LAMA2: variants seen among roughly 807,000 people sequenced by gnomAD.
LAMA2 encodes laminin subunit alpha-2.
Under a neutral mutation model 364.8 loss-of-function variants are expected in LAMA2, and 269 were observed. The observed-to-expected ratio is 0.74, with a 90% CI of 0.67 to 0.82. The LOEUF is 0.82. LAMA2 is among the 40% of genes least tolerant of loss of function. The pLI is 0.00. For missense variants in LAMA2, 3,807 were observed against 3,873.2 expected (o/e 0.98, Z 0.45); for synonymous variants, 1,379 against 1,370.6 (o/e 1.01, Z -0.14).
At position 129,402,394 on chromosome 6, in the gene LAMA2, C is replaced by T. The variant is rs139586720; in HGVS notation, c.5633C>T (p.Ser1878Phe). ...EELNDKIDDL[S>F]QEIKDRKLAE... is the part of the protein sequence containing the mutation. Reference sequence around the variant, plus strand: ...CTTAATGATAAAATAGATGACCTCTCCCAAGAAATAAAGGACAGGAAGCTT... The same window carrying T: ...CTTAATGATAAAATAGATGACCTCTTCCAAGAAATAAAGGACAGGAAGCTT... Residue 1878 changes from serine (S) to phenylalanine (F), a missense_variant, in exon 39 of 65, where the codon TCC becomes TTC. By Grantham distance (155) the Ser-to-Phe change is radical. This residue lies in a region of LAMA2 where 3,333 missense variants were observed against 3,345.7 expected (regional missense o/e 1.00). Transcript: ENST00000421865. 4.4e-4 allele frequency: 716 copies of T among 1,613,984 alleles called. 3 individuals are homozygous for T. The African/African-American group carries it at 8.6e-3, about 19-fold the overall frequency.
At chr6:129,237,552 T>C (rs1447705130) in intron 12 of LAMA2, among the ~76,000 whole-genome samples, 1 of 151,928 alleles carries the variant, frequency 6.6e-6, no homozygotes, top group Admixed American at 6.6e-5. Context: ...GCCAGGCTGG[T>C]CTTGAACTCC....
At chr6:129,107,652 C>T (rs1176044345) in intron 4 of LAMA2, among the ~76,000 whole-genome samples, 1 of 152,096 alleles carries the variant, frequency 6.6e-6, no homozygotes, top group African/African-American at 2.4e-5. Context: ...ATTTGTTGCA[C>T]ATTTATTTTA....
chr6:129,172,764 C>A (rs561731645), intron 9 of LAMA2, among the ~76,000 whole-genome samples: 1 of 152,224 alleles, frequency 6.6e-6, no homozygotes, highest in Admixed American at 6.5e-5. Flanking sequence ...GGCGCCCCTC[C>A]CCCAGCCTCG....
In LAMA2 at chr6:129,473,219, A is replaced by G. The variant is rs1297267527; in HGVS notation, c.7306A>G (p.Ile2436Val). Residue 2436 changes from isoleucine (I) to valine (V), a missense_variant, in exon 52 of 65, where the codon ATA becomes GTA. By Grantham distance (29) the Ile-to-Val change is conservative. This residue lies in a region of LAMA2 where 3,333 missense variants were observed against 3,345.7 expected (regional missense o/e 1.00). Transcript: ENST00000421865. ...ACTTTCTTTCTCCTTTACAGCCAAT[A>G]TATCAATTGTAGATATAGATACTAA... ...TLSRIQKQANISIVDIDTNQE... is the reference protein window; with the variant it reads ...TLSRIQKQANVSIVDIDTNQE... 1.3e-6 allele frequency: 2 copies of G among 1,591,394 alleles called. No homozygotes were observed. Among genetic ancestry groups the G allele is most frequent in the Non-Finnish European group, 1.7e-6 (2 of 1,160,294 alleles).
intron 37 of LAMA2, among the ~76,000 whole-genome samples, chr6:129,396,941 ACTC>A (rs1408060316): frequency 6.9e-6 from 1 of 145,630 alleles, no homozygotes; most frequent in Non-Finnish European, 1.5e-5. Context: ...ATGCCACAGC[ACTC>A]CAGCCTGGAT....
At chr6:129,322,475 G>C (rs1775026321) in intron 28 of LAMA2, among the ~76,000 whole-genome samples, 1 of 152,130 alleles carries the variant, frequency 6.6e-6, no homozygotes, top group South Asian at 2.1e-4. Context: ...CTTTATCCCA[G>C]GTAGCGTTTG....
intron 45 of LAMA2, among the ~76,000 whole-genome samples, chr6:129,446,879 GA>G (rs1015523486): frequency 6.6e-6 from 1 of 151,550 alleles, no homozygotes; most frequent in African/African-American, 2.4e-5. Flanking sequence ...ACGACTGACT[GA>G]AAAAAAACCT....
chr6:129,245,330 T>G (rs1416424153), intron 12 of LAMA2, among the ~76,000 whole-genome samples: 1 of 152,170 alleles, frequency 6.6e-6, no homozygotes, highest in Non-Finnish European at 1.5e-5. Context: ...TTGCACTTAC[T>G]CCTACCTGTG....
At chr6:128,927,164 C>T (rs1267398878) in intron 1 of LAMA2, among the ~76,000 whole-genome samples, 1 of 152,116 alleles carries the variant, frequency 6.6e-6, no homozygotes, top group East Asian at 1.9e-4. Flanking sequence ...ATTTCCTGGT[C>T]AACACACCAC....
At chr6:128,937,005 G>A (rs1484139763) in intron 1 of LAMA2, among the ~76,000 whole-genome samples, 2 of 152,100 alleles carry the variant, frequency 1.3e-5, no homozygotes, top group Admixed American at 6.6e-5. Flanking sequence ...GAGGAAACAG[G>A]ACAGTGTAAG....
At chr6:129,461,040 A>T (rs1435282769) in intron 49 of LAMA2, among the ~76,000 whole-genome samples, 2 of 152,058 alleles carry the variant, frequency 1.3e-5, no homozygotes, top group African/African-American at 4.8e-5. Flanking sequence ...TGAATACAGG[A>T]TATAAAATAT....
intron 1 of LAMA2, among the ~76,000 whole-genome samples, chr6:129,023,095 C>T (rs545064678): frequency 6.6e-6 from 1 of 152,256 alleles, no homozygotes; most frequent in South Asian, 2.1e-4. Context: ...CATCCATGTT[C>T]CTGCTGCCTC....
intron 17 of LAMA2, among the ~76,000 whole-genome samples, chr6:129,272,831 T>C (rs1487869547): frequency 1.6e-4 from 24 of 152,134 alleles, no homozygotes. Context: ...CTGCGAGGGA[T>C]CTAGCTTGTA....
intron 40 of LAMA2, among the ~76,000 whole-genome samples, chr6:129,427,312 G>A (rs769069088): frequency 1.3e-5 from 2 of 152,180 alleles, no homozygotes; most frequent in Non-Finnish European, 2.9e-5. Context: ...ATTTGCTTAA[G>A]GATAAAGTCA....
At position 129,316,153 on chromosome 6, in the gene LAMA2, A is replaced by G; in HGVS notation, c.4040A>G (p.Asn1347Ser). The G allele has an allele frequency of 6.2e-7, 1 of 1,606,938 alleles. No individual in the cohort carries two copies. Among genetic ancestry groups the G allele is most frequent in the South Asian group, 1.1e-5 (1 of 90,896 alleles). ...ATTCTTATCAAAGCTACTTATGGAAATTTCATGCGACAAAGCAGGTAAACT... is the reference window on the plus strand; with the variant it reads ...ATTCTTATCAAAGCTACTTATGGAAGTTTCATGCGACAAAGCAGGTAAACT... ...HYILIKATYGNFMRQSRISEI... is the reference protein window; with the variant it reads ...HYILIKATYGSFMRQSRISEI... Residue 1347 changes from asparagine to serine, a missense_variant, in exon 27 of 65, where the codon AAT becomes AGT. This residue lies in a region of LAMA2 where 3,333 missense variants were observed against 3,345.7 expected (regional missense o/e 1.00). Transcript: ENST00000421865.
At chr6:128,980,759 A>T (rs536633560) in intron 1 of LAMA2, among the ~76,000 whole-genome samples, 1 of 152,278 alleles carries the variant, frequency 6.6e-6, no homozygotes, top group East Asian at 1.9e-4. Flanking sequence ...CATTTTAGAA[A>T]GTAGGAGTAG....
chr6:129,377,507 G>C (rs532240790), intron 34 of LAMA2, among the ~76,000 whole-genome samples: 8 of 152,262 alleles, frequency 5.3e-5, no homozygotes, highest in Non-Finnish European at 7.3e-5. Context: ...ATTCCACGGG[G>C]TCAGCTGGTT....
intron 10 of LAMA2, among the ~76,000 whole-genome samples, chr6:129,186,385 T>C (rs1449227106): frequency 6.6e-6 from 1 of 151,756 alleles, no homozygotes; most frequent in Non-Finnish European, 1.5e-5. Context: ...TTCCCATCTA[T>C]GCTTTAGGGA....
chr6:129,017,644 C>A (rs1478459301), intron 1 of LAMA2, among the ~76,000 whole-genome samples: 1 of 152,010 alleles, frequency 6.6e-6, no homozygotes, highest in South Asian at 2.1e-4. Context: ...ATTGACTAGC[C>A]ACCTGCCACA....
Sources: allele counts gnomAD v4.1 joint callset (sites outside exome capture counted in the v4.1 genomes callset), GRCh38; gene constraint gnomAD v4.1.1; regional missense constraint gnomAD v4.1.1; transcripts MANE v1.5; gene names NCBI Gene and HGNC (gene_info 2026-07-23, HGNC 2026-07-21).